KCNK1: variants seen among roughly 807,000 people sequenced by gnomAD.
The protein encoded by KCNK1 is potassium two pore domain channel subfamily K member 1.
KCNK1 carries 10 observed loss-of-function variants against 22.2 expected under a neutral mutation model. The ratio of observed to expected loss-of-function variants is 0.45; its 90% CI spans 0.28 to 0.76. The LOEUF (loss-of-function observed/expected upper bound fraction) is 0.76, where lower values mean the gene tolerates loss of function less well. Ranked by LOEUF, KCNK1 falls within the 30% of genes least tolerant of loss-of-function variation. KCNK1 has a pLI of 0.14. For synonymous variants in KCNK1, 200 were observed against 186.4 expected (o/e 1.07, Z -0.60); for missense variants, 378 against 421.0 (o/e 0.90, Z 0.89).
At chr1:233,641,692 A>G (rs1658002340) in intron 1 of KCNK1, among the ~76,000 whole-genome samples, 1 of 152,158 alleles carries the variant, frequency 6.6e-6, no homozygotes, top group Non-Finnish European at 1.5e-5. Flanking sequence ...TCATAAGTTG[A>G]TGAGACAGAT....
chr1:233,644,750 A>G (rs934993451), intron 1 of KCNK1, among the ~76,000 whole-genome samples: 5 of 152,184 alleles, frequency 3.3e-5, no homozygotes, highest in African/African-American at 9.7e-5. Context: ...CCTTCTGTCC[A>G]GAGGGATGTG....
chr1:233,634,687 C>T (rs1219114586), intron 1 of KCNK1, among the ~76,000 whole-genome samples: 5 of 152,168 alleles, frequency 3.3e-5, no homozygotes, highest in South Asian at 2.1e-4. Flanking sequence ...TTATTAAGTG[C>T]CCTGGTTATT....
chr1:233,647,111 G>A (rs1658113544), intron 1 of KCNK1, among the ~76,000 whole-genome samples: 3 of 152,186 alleles, frequency 2.0e-5, no homozygotes, highest in Non-Finnish European at 4.4e-5. Flanking sequence ...CTGGAATGTA[G>A]TACATGGATC....
chr1:233,619,242 C>G (rs1657536379), intron 1 of KCNK1, among the ~76,000 whole-genome samples: 1 of 151,952 alleles, frequency 6.6e-6, no homozygotes, highest in Non-Finnish European at 1.5e-5. Flanking sequence ...GGGTTGGTCT[C>G]AAACTTGTTG....
chr1:233,660,534 C>G (rs1344329716), intron 1 of KCNK1: 1 of 152,158 alleles, frequency 6.6e-6, no homozygotes, highest in South Asian at 2.1e-4. Context: ...TGGCTCCAAA[C>G]TCTATTTCAA....
intron 1 of KCNK1, among the ~76,000 whole-genome samples, chr1:233,647,974 C>T (rs1658128012): frequency 6.6e-6 from 1 of 152,174 alleles, no homozygotes; most frequent in Admixed American, 6.5e-5. Flanking sequence ...GGCCCCTGTG[C>T]TTTTGAATTG....
At chr1:233,636,760 C>G (rs61824274) in intron 1 of KCNK1, among the ~76,000 whole-genome samples, 1 of 151,800 alleles carries the variant, frequency 6.6e-6, no homozygotes, top group Admixed American at 6.6e-5. Context: ...GGTGATCCCT[C>G]TAGGACAAGG....
At chr1:233,641,766 T>C (rs1030423861) in intron 1 of KCNK1, among the ~76,000 whole-genome samples, 1 of 152,210 alleles carries the variant, frequency 6.6e-6, no homozygotes, top group African/African-American at 2.4e-5. Context: ...AAGCAGTGCA[T>C]GTCCCATGAG....
chr1:233,641,039 G>A (rs1358668541), intron 1 of KCNK1, among the ~76,000 whole-genome samples: 2 of 152,166 alleles, frequency 1.3e-5, no homozygotes, highest in Non-Finnish European at 2.9e-5. Flanking sequence ...GGCGATGCCC[G>A]AGGGTGTCGG....
At chr1:233,655,121 G>T (rs971022711) in intron 1 of KCNK1, among the ~76,000 whole-genome samples, 1 of 152,226 alleles carries the variant, frequency 6.6e-6, no homozygotes, top group African/African-American at 2.4e-5. Flanking sequence ...CAGCCCTAGT[G>T]GGCCTGGGGG....
intron 1 of KCNK1, among the ~76,000 whole-genome samples, chr1:233,628,870 A>T (rs1485472703): frequency 2.6e-5 from 4 of 152,194 alleles, no homozygotes; most frequent in South Asian, 4.1e-4. Flanking sequence ...ATACTGAATG[A>T]CCTTACATAG....
chr1:233,656,818 A>G (rs546726305), intron 1 of KCNK1, among the ~76,000 whole-genome samples: 17 of 152,148 alleles, frequency 1.1e-4, no homozygotes, highest in African/African-American at 9.6e-5. Context: ...AGAGCTCACT[A>G]TGTTGACTAG....
chr1:233,648,875 T>A (rs1658150330), intron 1 of KCNK1, among the ~76,000 whole-genome samples: 1 of 152,066 alleles, frequency 6.6e-6, no homozygotes, highest in African/African-American at 2.4e-5. Flanking sequence ...CCAACAAAGG[T>A]CTATTTCTTG....
At chr1:233,636,254 T>C (rs1273980838) in intron 1 of KCNK1, among the ~76,000 whole-genome samples, 1 of 152,172 alleles carries the variant, frequency 6.6e-6, no homozygotes. Context: ...TAACATGATA[T>C]CCTTGTTTTC....
At chr1:233,658,289 G>T (rs1658334577) in intron 1 of KCNK1, among the ~76,000 whole-genome samples, 1 of 152,124 alleles carries the variant, frequency 6.6e-6, no homozygotes, top group Non-Finnish European at 1.5e-5. Flanking sequence ...ATAATTATAT[G>T]TGTTTTTAAA....
intron 1 of KCNK1, among the ~76,000 whole-genome samples, chr1:233,658,453 T>C (rs1364746382): frequency 6.6e-6 from 1 of 152,134 alleles, no homozygotes; most frequent in Admixed American, 6.5e-5. Context: ...GCAGGTAGAT[T>C]AAAAGGAAAA....
intron 1 of KCNK1, among the ~76,000 whole-genome samples, chr1:233,657,152 T>C (rs1172273537): frequency 6.6e-6 from 1 of 151,640 alleles, no homozygotes; most frequent in Non-Finnish European, 1.5e-5. Flanking sequence ...TGAGGATGAG[T>C]GAGGATGAGT....
chr1:233,659,282 C>T (rs949104101), intron 1 of KCNK1, among the ~76,000 whole-genome samples: 16 of 151,458 alleles, frequency 1.1e-4, no homozygotes, highest in African/African-American at 2.7e-4. Flanking sequence ...ATCTTCCACC[C>T]GCACATCTGT....
At chr1:233,628,542 C>T (rs1338146769) in intron 1 of KCNK1, among the ~76,000 whole-genome samples, 1 of 152,102 alleles carries the variant, frequency 6.6e-6, no homozygotes. Context: ...GGCAGATCAC[C>T]TGAGCTCAGG....
Sources: allele counts gnomAD v4.1 joint callset (sites outside exome capture counted in the v4.1 genomes callset), GRCh38; gene constraint gnomAD v4.1.1; transcripts MANE v1.5; gene names NCBI Gene and HGNC (gene_info 2026-07-23, HGNC 2026-07-21).